The following NTRK3 variants were observed in gnomAD, a reference collection of about 807,000 sequenced individuals.
NTRK3 encodes the protein neurotrophic receptor tyrosine kinase 3, also known as NT-3 growth factor receptor.
NTRK3 carries 24 observed loss-of-function variants against 91.7 expected under a neutral mutation model. The ratio of observed to expected loss-of-function variants is 0.26; its 90% CI spans 0.19 to 0.37. The LOEUF (loss-of-function observed/expected upper bound fraction) is 0.37. Ranked by LOEUF, NTRK3 falls within the 10% of genes least tolerant of loss-of-function variation. The pLI is 1.00. For missense variants in NTRK3, 880 were observed against 1,068.9 expected (o/e 0.82, Z 2.46); for synonymous variants, 483 against 404.0 (o/e 1.20, Z -2.34).
chr15:88,009,930 T>A (rs1302189999), intron 14 of NTRK3, among the ~76,000 whole-genome samples: 1 of 152,196 alleles, frequency 6.6e-6, no homozygotes, highest in East Asian at 1.9e-4. Flanking sequence ...TCCTTTGTCC[T>A]CAGATCCACC....
At chr15:87,869,744 C>T (rs763213798) in exon 19 of NTRK3, 5 of 200,688 alleles carry the variant, frequency 2.5e-5, no homozygotes, top group Non-Finnish European at 5.1e-5. Context: ...ACCTGGACCA[C>T]GTTTATTTAT....
At chr15:88,036,588 A>C (rs2079090445) in intron 13 of NTRK3, among the ~76,000 whole-genome samples, 1 of 152,224 alleles carries the variant, frequency 6.6e-6, no homozygotes, top group South Asian at 2.1e-4. Context: ...AGTATCATAG[A>C]GAGGCAGTCT....
rs113894555 is a variant in NTRK3, at chr15:87,967,402, C to T, written c.1586-26649G>A. Among the ~76,000 whole-genome samples the T allele has an allele frequency of 5.6e-3, 847 of 152,182 alleles. 8 individuals are homozygous for T. The highest frequency in any genetic ancestry group is 0.031 in the Middle Eastern group (9 of 292). On this transcript the variant is annotated intron_variant, in intron 14 of 18. Transcript: ENST00000394480. ...ATTTCATAGTCCAATCTTCCTATAC[C>T]GAAGCTGCCCAGCTTAGGAGAAAGA...
At chr15:88,160,199 C>T (rs1312454617) in intron 5 of NTRK3, among the ~76,000 whole-genome samples, 5 of 152,132 alleles carry the variant, frequency 3.3e-5, no homozygotes, top group African/African-American at 4.8e-5. Context: ...GAGGGGCGCC[C>T]CAGCCATGGT....
Position 88,218,649 on chromosome 15 carries a change from G to T in NTRK3, c.249-34350C>A, listed in dbSNP as rs576835163. Reference sequence around the variant, plus strand: ...CTTGGGCTCACAGTCTGACTGCAGGGCCTGGGGACCTTGGGAAGCATTATC... The same window carrying T: ...CTTGGGCTCACAGTCTGACTGCAGGTCCTGGGGACCTTGGGAAGCATTATC... On this transcript the variant is annotated intron_variant, in intron 3 of 18. Coordinates refer to ENST00000394480, the Ensembl canonical transcript of NTRK3. Among the ~76,000 whole-genome samples the T allele has an allele frequency of 8.4e-4, 128 of 152,268 alleles. 1 individual carries two copies. The highest frequency in any genetic ancestry group is 3.0e-3 in the African/African-American group (123 of 41,546).
chr15:88,128,810 C>T, intron 10 of NTRK3, 76 bp from the exon 11 acceptor site: 1 of 1,274,790 alleles, frequency 7.8e-7, no homozygotes, highest in South Asian at 1.2e-5. Flanking sequence ...GTCCTAATAG[C>T]TATGATCTCT....
rs561518103 is a variant in NTRK3 at position 88,124,359 on chromosome 15, G to A, written c.1396+1912C>T. Among the ~76,000 whole-genome samples the A allele has an allele frequency of 3.3e-4, 51 of 152,316 alleles. 1 individual carries two copies. In the South Asian group the frequency reaches 1.0e-2, roughly 30 times the overall value. The stretch of plus-strand genomic sequence containing the variant: ...AAGCTCTGAGGACAGCTGAGGGGAG[G>A]AACCACCCTGGGTGCTGCCTAATCC... On this transcript the variant is annotated intron_variant, in intron 13 of 18. Coordinates refer to ENST00000394480, the Ensembl canonical transcript of NTRK3.
rs2042983727 is a variant in NTRK3, at chr15:88,147,416, CAAAT to C, written c.396-17_396-14del. 1.2e-6 allele frequency: 2 copies of C among 1,612,548 alleles called. No individual in the cohort carries two copies. The highest frequency in any genetic ancestry group is 2.7e-5 in the African/African-American group (2 of 75,010). On this transcript the variant is annotated splice_polypyrimidine_tract_variant and intron_variant, in intron 5 of 18. Coordinates refer to ENST00000394480, the Ensembl canonical transcript of NTRK3. ...ACTTGACAGGTTTCTGCAAGATTGA[CAAAT>C]AAAGGGAAATTTTAAAACAAGTCTG...
intron 13 of NTRK3, among the ~76,000 whole-genome samples, chr15:88,041,664 T>C (rs2079624688): frequency 6.6e-6 from 1 of 152,174 alleles, no homozygotes; most frequent in African/African-American, 2.4e-5. Context: ...GGCGCAGCCA[T>C]GGTGACGTGC....
intron 13 of NTRK3, among the ~76,000 whole-genome samples, chr15:88,091,349 TAC>T (rs1159217540): frequency 6.6e-6 from 1 of 152,222 alleles, no homozygotes; most frequent in Non-Finnish European, 1.5e-5. Flanking sequence ...GTAGTGGTAA[TAC>T]TGTTTCCCAT....
Position 88,235,370 on chromosome 15 carries a change from G to A in NTRK3, c.248+20536C>T, listed in dbSNP as rs116572634. Among the ~76,000 whole-genome samples the A allele has an allele frequency of 0.016, 2,400 of 152,264 alleles. 70 individuals are homozygous for A. Among genetic ancestry groups the A allele is most frequent in the African/African-American group, 0.053 (2,202 of 41,534 alleles). ...GGACCCACGCAGTCAGTACCCTGCCGCAGACAGTGGACACTCACTGGTCTC... is the reference window on the plus strand; with the variant it reads ...GGACCCACGCAGTCAGTACCCTGCCACAGACAGTGGACACTCACTGGTCTC... On this transcript the variant is annotated intron_variant, in intron 3 of 18. Coordinates refer to ENST00000394480, the Ensembl canonical transcript of NTRK3. This position sits in a 1 kb window ranked among gnomAD's most constrained non-coding sequence, Gnocchi z 5.2.
At chr15:88,206,844 C>T (rs1365162649) in intron 3 of NTRK3, among the ~76,000 whole-genome samples, 2 of 152,180 alleles carry the variant, frequency 1.3e-5, no homozygotes, top group African/African-American at 4.8e-5. Flanking sequence ...GCATCGGAGG[C>T]CCCACGCAGG....
intron 13 of NTRK3, among the ~76,000 whole-genome samples, chr15:88,036,032 A>G (rs1052946103): frequency 6.6e-6 from 1 of 152,194 alleles, no homozygotes; most frequent in Non-Finnish European, 1.5e-5. Flanking sequence ...TCCACCATCT[A>G]ATTAAAAGAA....
At chr15:87,885,833 G>A (rs1309832027) in intron 17 of NTRK3, 98 bp from the exon 18 acceptor site, 2 of 449,936 alleles carry the variant, frequency 4.4e-6, no homozygotes, top group East Asian at 7.1e-5. Context: ...TAAGACACAT[G>A]TTCAAGAAGC....
chr15:88,088,753 G>C (rs565422950), intron 13 of NTRK3, among the ~76,000 whole-genome samples: 1 of 152,214 alleles, frequency 6.6e-6, no homozygotes, highest in East Asian at 1.9e-4. Context: ...TAATTCAAGG[G>C]ACTAGTGGGC....
chr15:88,121,293 G>A (rs944239341), intron 13 of NTRK3, among the ~76,000 whole-genome samples: 1 of 152,150 alleles, frequency 6.6e-6, no homozygotes, highest in Non-Finnish European at 1.5e-5. Flanking sequence ...AAATGATGAT[G>A]GTGCACTATG....
At chr15:88,171,811 C>T (rs1349912555) in intron 5 of NTRK3, among the ~76,000 whole-genome samples, 2 of 152,236 alleles carry the variant, frequency 1.3e-5, no homozygotes, top group African/African-American at 4.8e-5. Flanking sequence ...TCTTTCTCCC[C>T]CTCCCTCAGT....
rs1001625100 is a variant in NTRK3, at chr15:88,094,386, G to A, written c.1396+31885C>T. ...CAGGAGGCTGAGGCAGGAGAATGGC[G>A]TGAACCCGGGAAGCGGAGCTTGCAG... On this transcript the variant is annotated intron_variant, in intron 13 of 18. Transcript: ENST00000394480. Among the ~76,000 whole-genome samples, 5 of 149,766 alleles carry A rather than the reference G, an allele frequency of 3.3e-5. No individual in the cohort carries two copies. The South Asian group carries it at 8.6e-4, about 26-fold the overall frequency.
chr15:88,181,150 G>A (rs1484520412), intron 5 of NTRK3, among the ~76,000 whole-genome samples: 2 of 152,106 alleles, frequency 1.3e-5, no homozygotes, highest in Non-Finnish European at 2.9e-5. Flanking sequence ...TAATCACCCT[G>A]TAGCCAATAA....
Sources: allele counts gnomAD v4.1 joint callset (sites outside exome capture counted in the v4.1 genomes callset), GRCh38; gene constraint gnomAD v4.1.1; non-coding constraint Gnocchi (gnomAD v3.1); transcripts MANE v1.5; gene names NCBI Gene and HGNC (gene_info 2026-07-23, HGNC 2026-07-21).